The following BDNF variants were observed in gnomAD, a reference collection of about 807,000 sequenced individuals.
The protein encoded by BDNF is brain derived neurotrophic factor, also known as neurotrophic factor BDNF precursor form.
In BDNF, 1 loss-of-function variant was observed where a neutral mutation model predicts 19.5. The observed-to-expected ratio is 0.05, with a 90% CI of 0.02 to 0.24. BDNF has a LOEUF of 0.24. Among genes scored for constraint, BDNF ranks in the 10% least tolerant of loss-of-function variants. The pLI, the probability that BDNF is intolerant of heterozygous loss-of-function variation, is 1.00. For synonymous variants in BDNF, 100 were observed against 121.6 expected, an observed-to-expected ratio of 0.82 and a Z score of 1.17; for missense variants, 195 against 317.6, an observed-to-expected ratio of 0.61 and a Z score of 2.93.
intron 1 of BDNF, among the ~76,000 whole-genome samples, chr11:27,707,057 G>C (rs1860137994): frequency 2.0e-5 from 3 of 152,098 alleles, no homozygotes; most frequent in Non-Finnish European, 4.4e-5. Context: ...ATTCTCAGGT[G>C]CTTATTATAT....
chr11:27,655,604 G>A lies in BDNF; in HGVS notation c.*2217C>T, dbSNP rs1232197346. 6.6e-6 allele frequency: 1 copy of A among 152,194 alleles called. No individual in the cohort carries two copies. The highest frequency in any genetic ancestry group is 1.5e-5 in the Non-Finnish European group (1 of 68,040). The allele number at this position is 152,194 out of a possible 1,614,324, so 9.4% of individuals were successfully genotyped here. A position where few individuals can be genotyped will look rare whatever the true frequency, so the allele number is the denominator to read the frequency against. ...GTAAAGTCTTCCTTCTTTCAAAGAG[G>A]TATTCAGATGGTACTGTGAAAGACT... On this transcript the variant is annotated 3_prime_UTR_variant, in exon 2 of 2. Coordinates refer to ENST00000356660, the MANE Select transcript of BDNF (RefSeq NM_001709.5).
intron 1 of BDNF, among the ~76,000 whole-genome samples, chr11:27,662,450 A>G (rs1013956143): frequency 6.6e-6 from 1 of 152,214 alleles, no homozygotes; most frequent in Non-Finnish European, 1.5e-5. Context: ...CAGTGAACCC[A>G]TTGAAATTCT....
rs1860321469 is a variant in BDNF, at chr11:27,711,377, G to A, written c.3+10035C>T. Among the ~76,000 whole-genome samples the A allele has an allele frequency of 2.0e-5, 3 of 152,166 alleles. 1 individual carries two copies. The South Asian group carries it at 6.2e-4, about 32-fold the overall frequency. On this transcript the variant is annotated intron_variant, in intron 1 of 1. Coordinates refer to the BDNF transcript ENST00000314915. ...TTATGAAAACTGGGCTTCAAAAAGG[G>A]TAGGTGACAATTAGCTATTTGAAAA... is the stretch of plus-strand genomic sequence containing the variant.
intron 1 of BDNF, among the ~76,000 whole-genome samples, chr11:27,693,364 G>A (rs770771827): frequency 3.3e-5 from 5 of 151,952 alleles, no homozygotes; most frequent in African/African-American, 7.3e-5. Context: ...CCCTAAAACC[G>A]TGCCCGCAAC....
chr11:27,720,642 A>T, intron 1 of BDNF: 1 of 985,456 alleles, frequency 1.0e-6, no homozygotes, highest in Non-Finnish European at 1.2e-6. Flanking sequence ...CAAGAAGACT[A>T]CCTGGGGGTA....
intron 1 of BDNF, among the ~76,000 whole-genome samples, chr11:27,686,528 G>T (rs1857514226): frequency 6.6e-6 from 1 of 152,114 alleles, no homozygotes; most frequent in African/African-American, 2.4e-5. Context: ...TTCTGCAGTG[G>T]CTGGTACCGG....
At chr11:27,692,620 G>C (rs977995476) in intron 1 of BDNF, among the ~76,000 whole-genome samples, 1 of 152,138 alleles carries the variant, frequency 6.6e-6, no homozygotes, top group Non-Finnish European at 1.5e-5. Flanking sequence ...TGGGATTACA[G>C]GCATGAGCCA....
rs10626744 is a variant in BDNF, at chr11:27,698,226, C to CAAAAAAAAAAAAAAAAA, written c.-22+1921_-22+1937dup. 1.9e-4 allele frequency: 15 copies of CAAAAAAAAAAAAAAAAA among 80,822 alleles called. 6 individuals are homozygous for CAAAAAAAAAAAAAAAAA. The highest frequency in any genetic ancestry group is 3.6e-4 in the Admixed American group (2 of 5,614). 5.0% of individuals were successfully genotyped at this position (80,822 alleles called of 1,614,324 possible). A position where few individuals can be genotyped will look rare whatever the true frequency, so the allele number is the denominator to read the frequency against. ...CCTGCTAACCCAGAGGTAAATTTCC[C>CAAAAAAAAAAAAAAAAA]AAAAAAAAAAAAAAAAAAAAAAAAA... On this transcript the variant is annotated intron_variant, in intron 1 of 1. Transcript: ENST00000356660.
upstream of BDNF, among the ~76,000 whole-genome samples, chr11:27,704,000 GA>G (rs1371725454): frequency 1.3e-5 from 2 of 152,170 alleles, no homozygotes; most frequent in Non-Finnish European, 2.9e-5. Flanking sequence ...GTAGCATATA[GA>G]GATAATTTTG....
intron 1 of BDNF, chr11:27,659,788 C>A: frequency 1.7e-6 from 1 of 599,552 alleles, no homozygotes; most frequent in Non-Finnish European, 2.1e-6. Context: ...AAGCATACCA[C>A]AAAATTAATC....
intron 1 of BDNF, chr11:27,697,683 A>T (rs1165243413): frequency 2.6e-5 from 4 of 152,216 alleles, no homozygotes; most frequent in Non-Finnish European, 5.9e-5. Context: ...ACACTGAAAC[A>T]GATTTCCTAA....
At chr11:27,674,854 G>C in intron 1 of BDNF, 1 of 923,270 alleles carries the variant, frequency 1.1e-6, no homozygotes, top group Non-Finnish European at 1.3e-6. Context: ...GTTGGTGATA[G>C]GATTTTGGAA....
intron 1 of BDNF, among the ~76,000 whole-genome samples, chr11:27,686,538 G>T (rs1244792799): frequency 6.6e-6 from 1 of 152,144 alleles, no homozygotes; most frequent in African/African-American, 2.4e-5. Context: ...GCTGGTACCG[G>T]TTTTTCCTTT....
At chr11:27,700,962 C>A, upstream of BDNF, 1 of 1,359,232 alleles carries the variant, frequency 7.4e-7, no homozygotes, top group Middle Eastern at 2.1e-4. Flanking sequence ...TCCCGGGCCA[C>A]AGACACACCT....
At chr11:27,699,236 C>A (rs540494737) in intron 1 of BDNF, 4 of 1,185,164 alleles carry the variant, frequency 3.4e-6, no homozygotes, top group South Asian at 1.3e-5. Context: ...CCCCAACACA[C>A]AAACACTGCA....
intron 1 of BDNF, chr11:27,699,575 T>C (rs1453975656): frequency 2.7e-6 from 4 of 1,505,336 alleles, no homozygotes; most frequent in Non-Finnish European, 2.7e-6. Flanking sequence ...TTCCCAGCGG[T>C]AGGAATTCCG....
rs1852755959 is a variant in BDNF, at chr11:27,657,686, T to A, written c.*135A>T. 1 of 1,483,586 alleles carries A rather than the reference T, an allele frequency of 6.7e-7. No homozygotes were observed. Among genetic ancestry groups the A allele is most frequent in the Non-Finnish European group, 8.9e-7 (1 of 1,126,242 alleles). The allele number at this position is 1,483,586 out of a possible 1,614,324, so 91.9% of individuals were successfully genotyped here. ...CAATAAATAGATTGTAGAACCACTG[T>A]ACTGTATAAACTTCATTTATACATG... is the stretch of plus-strand genomic sequence containing the variant. On this transcript the variant is annotated 3_prime_UTR_variant, in exon 2 of 2. Coordinates refer to ENST00000356660, the MANE Select transcript of BDNF (RefSeq NM_001709.5). This position sits in a 1 kb window ranked among gnomAD's most constrained non-coding sequence, Gnocchi z 5.0.
chr11:27,721,404 C>T (rs1860736975), intron 1 of BDNF: 2 of 1,613,960 alleles, frequency 1.2e-6, no homozygotes, highest in Admixed American at 3.3e-5. Flanking sequence ...GGTTTTATTG[C>T]TACTCACCAT....
chr11:27,660,213 A>G, intron 1 of BDNF: 2 of 1,232,030 alleles, frequency 1.6e-6, no homozygotes, highest in Non-Finnish European at 1.0e-6. Flanking sequence ...TGAAAAGCAA[A>G]TGTTCTCCAC....
Sources: gnomAD v4.1 joint callset for allele counts (sites outside exome capture counted in the v4.1 genomes callset) on GRCh38, gnomAD v4.1.1 for gene constraint, Gnocchi (gnomAD v3.1) non-coding constraint, MANE v1.5 for transcripts, NCBI Gene and HGNC (gene_info 2026-07-23, HGNC 2026-07-21) for gene names.